Variants in UBE2D1 observed in about 807,000 individuals in gnomAD.
UBE2D1 encodes the protein ubiquitin-conjugating enzyme E2 D1.
Under a neutral mutation model 24.6 loss-of-function variants are expected in UBE2D1, and 9 were observed. The ratio of observed to expected loss-of-function variants is 0.37; its 90% CI spans 0.22 to 0.64. The LOEUF is 0.64. Ranked by LOEUF, UBE2D1 falls within the 30% of genes least tolerant of loss-of-function variation. UBE2D1 has a pLI of 0.64. For missense variants in UBE2D1, 87 were observed against 177.1 expected (o/e 0.49, Z 2.89); for synonymous variants, 57 against 57.6 (o/e 0.99, Z 0.04).
chr10:58,340,039 G>A (rs1424042048), intron 1 of UBE2D1, among the ~76,000 whole-genome samples: 1 of 152,110 alleles, frequency 6.6e-6, no homozygotes, highest in Non-Finnish European at 1.5e-5. Flanking sequence ...TGAAAATTTA[G>A]TTTTCAACCT....
chr10:58,361,484 G>T lies in UBE2D1; in HGVS notation c.89-11G>T, dbSNP rs899663028. 3.1e-6 allele frequency: 5 copies of T among 1,613,878 alleles called. No homozygotes were observed. The highest frequency in any genetic ancestry group is 1.1e-5 in the South Asian group (1 of 91,080). ...TTGTTAATGACTCCAAAACTCCTTT[G>T]TTTGTTTCAGTGTTCCACTGGCAAG... On this transcript the variant is annotated splice_polypyrimidine_tract_variant and intron_variant, in intron 2 of 6. Coordinates refer to ENST00000373910, the MANE Select transcript of UBE2D1 (RefSeq NM_003338.5).
intron 5 of UBE2D1, among the ~76,000 whole-genome samples, chr10:58,367,140 G>A (rs1388731092): frequency 6.6e-6 from 1 of 152,114 alleles, no homozygotes; most frequent in Non-Finnish European, 1.5e-5. Flanking sequence ...ACTTGAAAGA[G>A]TACGAAAATA....
At chr10:58,338,595 C>G (rs955861338) in intron 1 of UBE2D1, among the ~76,000 whole-genome samples, 2 of 152,008 alleles carry the variant, frequency 1.3e-5, no homozygotes, top group South Asian at 4.1e-4. Context: ...ACTTGAAACA[C>G]TTTTTTTGGG....
intron 1 of UBE2D1, among the ~76,000 whole-genome samples, chr10:58,352,312 T>G (rs1840085277): frequency 6.6e-6 from 1 of 152,186 alleles, no homozygotes; most frequent in African/African-American, 2.4e-5. Context: ...TGTGCAACTT[T>G]CTGTATTAAG....
intron 3 of UBE2D1, among the ~76,000 whole-genome samples, chr10:58,362,481 CTGTT>C (rs1428603359): frequency 6.6e-6 from 1 of 152,058 alleles, no homozygotes; most frequent in Non-Finnish European, 1.5e-5. Context: ...CCATTTATTT[CTGTT>C]TGTTTTTAAT....
chr10:58,353,716 A>G (rs980239168), intron 1 of UBE2D1, among the ~76,000 whole-genome samples: 4 of 152,200 alleles, frequency 2.6e-5, no homozygotes, highest in African/African-American at 9.7e-5. Context: ...TGTGTTTCAC[A>G]TGTTATTTAA....
At chr10:58,367,048 A>C (rs545197540) in intron 5 of UBE2D1, among the ~76,000 whole-genome samples, 56 of 152,136 alleles carry the variant, frequency 3.7e-4, no homozygotes, top group African/African-American at 9.4e-4. Flanking sequence ...TAAAATACTA[A>C]TTTTTTCTTT....
chr10:58,362,095 T>C (rs1421843549), intron 3 of UBE2D1, among the ~76,000 whole-genome samples: 11 of 152,194 alleles, frequency 7.2e-5, no homozygotes, highest in African/African-American at 2.4e-5. Flanking sequence ...TCAATACTTA[T>C]TACTTTTGTT....
At chr10:58,347,181 G>C (rs1453932890) in intron 1 of UBE2D1, among the ~76,000 whole-genome samples, 1 of 152,160 alleles carries the variant, frequency 6.6e-6, no homozygotes, top group African/African-American at 2.4e-5. Context: ...TATTTGATGG[G>C]CCTTCTGGGA....
intron 1 of UBE2D1, among the ~76,000 whole-genome samples, chr10:58,354,662 C>G (rs1420333875): frequency 6.6e-6 from 1 of 151,932 alleles, no homozygotes; most frequent in Non-Finnish European, 1.5e-5. Context: ...AGTGAAACCC[C>G]TTTTCTACTA....
At chr10:58,344,268 G>T (rs1451295132) in intron 1 of UBE2D1, among the ~76,000 whole-genome samples, 8 of 152,152 alleles carry the variant, frequency 5.3e-5, no homozygotes, top group Admixed American at 5.2e-4. Flanking sequence ...TTCAGTGTTG[G>T]TTGAAAATAA....
rs975473647 is a variant in UBE2D1, at chr10:58,335,354, G to A, written c.24+129G>A. On this transcript the variant is annotated intron_variant, in intron 1 of 6. Transcript: ENST00000373910. The stretch of plus-strand genomic sequence containing the variant: ...GGGTGGGCCGGGGTGCGGGCAGGGA[G>A]CTGAAGGCTCGGGCCGGGCCAGCGG... The A allele has an allele frequency of 1.8e-5, 21 of 1,157,410 alleles. No individual in the cohort carries two copies. In the Admixed American group the frequency reaches 2.6e-4, roughly 14 times the overall value. 71.7% of individuals were successfully genotyped at this position (1,157,410 alleles called of 1,614,324 possible). A position where few individuals can be genotyped will look rare whatever the true frequency, so the allele number is the denominator to read the frequency against.
chr10:58,351,565 G>A (rs1840077508), intron 1 of UBE2D1, among the ~76,000 whole-genome samples: 1 of 152,210 alleles, frequency 6.6e-6, no homozygotes, highest in Admixed American at 6.5e-5. Flanking sequence ...GCATGGAGTT[G>A]TCGTCTCCTC....
At chr10:58,358,322 T>A (rs888787851) in intron 1 of UBE2D1, among the ~76,000 whole-genome samples, 3 of 152,190 alleles carry the variant, frequency 2.0e-5, no homozygotes, top group African/African-American at 7.2e-5. Context: ...TTTACACTAA[T>A]GTTTAGAAAA....
chr10:58,342,739 GT>G (rs1456403115), intron 1 of UBE2D1, among the ~76,000 whole-genome samples: 1 of 150,530 alleles, frequency 6.6e-6, no homozygotes, highest in Non-Finnish European at 1.5e-5. Flanking sequence ...GCTTTCTGTT[GT>G]TGATTTCTAA....
At chr10:58,358,615 A>C (rs746841626) in intron 1 of UBE2D1, among the ~76,000 whole-genome samples, 1 of 152,138 alleles carries the variant, frequency 6.6e-6, no homozygotes, top group Non-Finnish European at 1.5e-5. Context: ...GCCACTTGAA[A>C]ACTGAGCTTT....
At position 58,370,251 on chromosome 10, in the gene UBE2D1, G is replaced by A. The variant is rs957224400; in HGVS notation, c.*1486G>A. ...TAGCATGCTTGTCAACCTTGAGTGA[G>A]TGTCATTTTTAAGAACAGTTGTAGC... On this transcript the variant is annotated 3_prime_UTR_variant, in exon 7 of 7. Transcript: ENST00000373910. 2.0e-5 allele frequency: 3 copies of A among 152,078 alleles called. No individual in the cohort carries two copies. 9.4% of individuals were successfully genotyped at this position (152,078 alleles called of 1,614,324 possible).
rs1037682964 is a variant in UBE2D1 at position 58,350,203 on chromosome 10, A to G, written c.25-11135A>G. Among the ~76,000 whole-genome samples, 4 of 152,196 alleles carry G rather than the reference A, an allele frequency of 2.6e-5. No homozygotes were observed. The South Asian group carries it at 8.3e-4, about 32-fold the overall frequency. ...ATAGAGTATTTCCGTGTTTGCCATT[A>G]GTGGTTACTATCAGTTTTCCTCTTC... On this transcript the variant is annotated intron_variant, in intron 1 of 6. Coordinates refer to ENST00000373910, the MANE Select transcript of UBE2D1 (RefSeq NM_003338.5).
intron 1 of UBE2D1, among the ~76,000 whole-genome samples, chr10:58,345,992 G>C (rs1044508914): frequency 6.6e-6 from 1 of 151,112 alleles, no homozygotes; most frequent in Admixed American, 6.6e-5. Context: ...GAAGGTTTTT[G>C]AGTAATAGGA....
Sources: gnomAD v4.1 joint callset for allele counts (sites outside exome capture counted in the v4.1 genomes callset) on GRCh38, gnomAD v4.1.1 for gene constraint, MANE v1.5 for transcripts, NCBI Gene and HGNC (gene_info 2026-07-23, HGNC 2026-07-21) for gene names.